The following PRDM6 variants were observed in gnomAD, a reference collection of about 807,000 sequenced individuals.
The protein encoded by PRDM6 is PR/SET domain 6.
PRDM6 carries 25 observed loss-of-function variants against 60.8 expected under a neutral mutation model. The ratio of observed to expected loss-of-function variants is 0.41; its 90% CI spans 0.30 to 0.57. The LOEUF is 0.57. Among genes scored for constraint, PRDM6 ranks in the 20% least tolerant of loss-of-function variants. The probability of loss-of-function intolerance (pLI) is 0.27; values close to 1 mark genes in which losing one functional copy is unlikely to be tolerated. For missense variants in PRDM6, 839 were observed against 821.3 expected (o/e 1.02, Z -0.26); for synonymous variants, 407 against 357.4 (o/e 1.14, Z -1.57).
chr5:123,161,342 G>A (rs2126876728), intron 5 of PRDM6, among the ~76,000 whole-genome samples: 1 of 152,358 alleles, frequency 6.6e-6, no homozygotes, highest in East Asian at 1.9e-4. Context: ...CCCTCATGGA[G>A]CTTACATTTT....
chr5:123,130,109 C>T (rs1161094325), intron 3 of PRDM6, among the ~76,000 whole-genome samples: 3 of 60,722 alleles, frequency 4.9e-5, no homozygotes, highest in African/African-American at 1.8e-4. Context: ...CCCTCCCCTC[C>T]CCTCCTCTCC....
intron 3 of PRDM6, among the ~76,000 whole-genome samples, chr5:123,102,362 C>T (rs961532455): frequency 4.0e-5 from 6 of 151,894 alleles, no homozygotes; most frequent in African/African-American, 1.5e-4. Context: ...TGAAACATGA[C>T]CGTTTGAATT....
At position 123,090,452 on chromosome 5, in the gene PRDM6, G is replaced by T; in HGVS notation, c.438G>T (p.Gly146=). 6.8e-7 allele frequency: 1 copy of T among 1,466,468 alleles called. No individual in the cohort carries two copies. The highest frequency in any genetic ancestry group is 1.3e-5 in the South Asian group (1 of 75,284). 90.8% of individuals were successfully genotyped at this position (1,466,468 alleles called of 1,614,324 possible). ...GCCTCGGCGCCACCTCCGGCCCCGG[G>T]CCCGTCAAGTGCGGTGGTGGTGGCG... is the stretch of plus-strand genomic sequence containing the variant. ...ELCLGATSGP[G]PVKCGGGGGG... is the part of the protein sequence containing the mutation. The change falls in exon 2 of 8, where the codon GGG becomes GGT. Residue 146 remains glycine, a synonymous_variant. Transcript: ENST00000407847.
intron 3 of PRDM6, among the ~76,000 whole-genome samples, chr5:123,117,992 C>T (rs1580492046): frequency 6.6e-6 from 1 of 152,186 alleles, no homozygotes. Flanking sequence ...CTTAGAAAGA[C>T]ACAGTCCATG....
At chr5:123,154,948 C>G (rs1196062707) in intron 3 of PRDM6, among the ~76,000 whole-genome samples, 1 of 152,126 alleles carries the variant, frequency 6.6e-6, no homozygotes, top group African/African-American at 2.4e-5. Flanking sequence ...GATACATGAC[C>G]GCCTCATCTC....
chr5:123,185,663 C>T lies in PRDM6; in HGVS notation c.1674-1424C>T, dbSNP rs778095988. On this transcript the variant is annotated intron_variant, in intron 7 of 7. Coordinates refer to ENST00000407847, the MANE Select transcript of PRDM6 (RefSeq NM_001136239.4). ...GACAATCAAAGAAACACAAGTTCTT[C>T]CCCCTGACACACTCCGCTGGTGCAG... Among the ~76,000 whole-genome samples the T allele has an allele frequency of 3.3e-4, 50 of 152,322 alleles. 1 individual carries two copies. Among genetic ancestry groups the T allele is most frequent in the Admixed American group, 7.8e-4 (12 of 15,288 alleles).
chr5:123,116,631 G>GA (rs1020999594), intron 3 of PRDM6, among the ~76,000 whole-genome samples: 54 of 150,796 alleles, frequency 3.6e-4, no homozygotes, highest in East Asian at 2.5e-3. Flanking sequence ...TAGCATAAGT[G>GA]AAAAAAAAAA....
chr5:123,108,951 T>C (rs1764251211), intron 3 of PRDM6, among the ~76,000 whole-genome samples: 1 of 152,150 alleles, frequency 6.6e-6, no homozygotes, highest in Non-Finnish European at 1.5e-5. Flanking sequence ...GGCTCACCCA[T>C]GAATAGATTT....
chr5:123,180,230 G>A lies in PRDM6; in HGVS notation c.1580G>A (p.Arg527Gln), dbSNP rs1470977027. 1.3e-6 allele frequency: 2 copies of A among 1,551,858 alleles called. No homozygotes were observed. The highest frequency in any genetic ancestry group is 8.7e-7 in the Non-Finnish European group (1 of 1,147,078). Residue 527 changes from arginine (R) to glutamine (Q), a missense_variant, in exon 7 of 8, where the codon CGG becomes CAG. Physicochemically the swap from Arg to Gln is conservative, Grantham distance 43. Transcript: ENST00000407847. ...CACGTGGTCACTCACTCTAGTGACC[G>A]GCCTTTCAAGTGCGGCTACTGTGGT... ...RNHVVTHSSD[R>Q]PFKCGYCGRA...
intron 3 of PRDM6, among the ~76,000 whole-genome samples, chr5:123,140,561 T>C (rs947577590): frequency 1.3e-5 from 2 of 152,200 alleles, no homozygotes; most frequent in East Asian, 3.8e-4. Context: ...TTGTTGGATT[T>C]TAATTATACC....
rs1049500548 is a variant in PRDM6, at chr5:123,158,043, T to A, written c.1029-1471T>A. ...GAGTTTTGGAAGCTCTGCCCACTTG[T>A]AAGGAATGGTGTACGCTTACACATT... On this transcript the variant is annotated intron_variant, in intron 4 of 7. Transcript: ENST00000407847. 2.0e-5 allele frequency among the ~76,000 whole-genome samples: 3 copies of A among 152,232 alleles called. No individual in the cohort carries two copies. The East Asian group carries it at 5.8e-4, about 29-fold the overall frequency.
intron 3 of PRDM6, among the ~76,000 whole-genome samples, 152 bp from the exon 4 acceptor site, chr5:123,155,732 T>C (rs757391831): frequency 1.3e-5 from 2 of 152,238 alleles, no homozygotes; most frequent in East Asian, 1.9e-4. Flanking sequence ...TTTCCTGTTA[T>C]TCCGGTTGAG....
chr5:123,143,888 TTATAAAAATGTTAATTTATGG>T (rs1765178360), intron 3 of PRDM6, among the ~76,000 whole-genome samples: 1 of 152,224 alleles, frequency 6.6e-6, no homozygotes, highest in African/African-American at 2.4e-5. Context: ...ATTACAGGAT[TTATAAAAATGTTAATTTATGG>T]TTTGCTACAG....
Position 123,090,229 on chromosome 5 carries a change from G to A in PRDM6, c.215G>A (p.Arg72Gln), listed in dbSNP as rs1451451631. The A allele has an allele frequency of 6.8e-7, 1 of 1,473,790 alleles. No homozygotes were observed. 91.3% of individuals were successfully genotyped at this position (1,473,790 alleles called of 1,614,324 possible). A position where few individuals can be genotyped will look rare whatever the true frequency, so the allele number is the denominator to read the frequency against. The change falls in exon 2 of 8, where the codon CGG becomes CAG. Residue 72 changes from arginine (R) to glutamine (Q), a missense_variant. By Grantham distance (43) the Arg-to-Gln change is conservative. This residue lies in a region of PRDM6 where 730 missense variants were observed against 648.8 expected (regional missense o/e 1.13). Coordinates refer to ENST00000407847, the MANE Select transcript of PRDM6 (RefSeq NM_001136239.4). ...CCTCCGCCGGACAGCCTGCGCCCGC[G>A]GCCCGCCTCTCTCTCCTCCGCCTCG... Reference protein sequence around the residue: ...AEPPPDSLRPRPASLSSASST... With the variant: ...AEPPPDSLRPQPASLSSASST...
intron 3 of PRDM6, among the ~76,000 whole-genome samples, chr5:123,138,452 C>G (rs1374761618): frequency 6.6e-6 from 1 of 152,230 alleles, no homozygotes; most frequent in Non-Finnish European, 1.5e-5. Flanking sequence ...CCTATATAAT[C>G]TCTGCTCTTT....
At chr5:123,166,023 G>T (rs1052274710) in intron 5 of PRDM6, among the ~76,000 whole-genome samples, 22 of 152,066 alleles carry the variant, frequency 1.4e-4, no homozygotes, top group African/African-American at 5.3e-4. Flanking sequence ...TAGACTGGCC[G>T]TGCCCTGTTC....
In PRDM6 at chr5:123,108,817, T is replaced by C. The variant is rs149593937; in HGVS notation, c.900+8856T>C. 1.5e-3 allele frequency among the ~76,000 whole-genome samples: 230 copies of C among 152,280 alleles called. 2 individuals are homozygous for C. Among genetic ancestry groups the C allele is most frequent in the Non-Finnish European group, 2.8e-3 (189 of 67,984 alleles). On this transcript the variant is annotated intron_variant, in intron 3 of 7. Coordinates refer to ENST00000407847, the MANE Select transcript of PRDM6 (RefSeq NM_001136239.4). The stretch of plus-strand genomic sequence containing the variant: ...GAGACATGATTATATAATATATAGA[T>C]TTATTTCATTGAGTCACAGTTTTGG...
At chr5:123,112,870 T>G (rs1177217163) in intron 3 of PRDM6, among the ~76,000 whole-genome samples, 1 of 145,742 alleles carries the variant, frequency 6.9e-6, no homozygotes, top group Non-Finnish European at 1.5e-5. Context: ...AGTCAATCAT[T>G]AGTGCCACAA....
Position 123,194,005 on chromosome 5 carries a change from G to A in PRDM6, c.*6804G>A, listed in dbSNP as rs940748628. The A allele has an allele frequency of 6.6e-6, 1 of 151,994 alleles. No homozygotes were observed. Among genetic ancestry groups the A allele is most frequent in the Non-Finnish European group, 1.5e-5 (1 of 68,020 alleles). 9.4% of individuals were successfully genotyped at this position (151,994 alleles called of 1,614,324 possible). ...TAAGGAGTGTGTAGTTTGCTGTAAG[G>A]GCCACTGATATGACAAGAATGATTA... On this transcript the variant is annotated 3_prime_UTR_variant, in exon 8 of 8. Transcript: ENST00000407847.
Sources: gnomAD v4.1 joint callset for allele counts (sites outside exome capture counted in the v4.1 genomes callset) on GRCh38, gnomAD v4.1.1 for gene constraint, gnomAD v4.1.1 regional missense constraint, MANE v1.5 for transcripts, NCBI Gene and HGNC (gene_info 2026-07-23, HGNC 2026-07-21) for gene names.